TMPRSS4: variants seen among roughly 807,000 people sequenced by gnomAD.
TMPRSS4 encodes the protein transmembrane serine protease 4, also known as transmembrane protease serine 4.
Under a neutral mutation model 56.4 loss-of-function variants are expected in TMPRSS4, and 45 were observed. The ratio of observed to expected loss-of-function variants is 0.80; its 90% CI spans 0.63 to 1.02. TMPRSS4 has a LOEUF of 1.02. Ranked by LOEUF, TMPRSS4 falls within the 50% of genes least tolerant of loss-of-function variation. The probability of loss-of-function intolerance (pLI) is 0.00; values close to 1 mark genes in which losing one functional copy is unlikely to be tolerated. For synonymous variants in TMPRSS4, 205 were observed against 211.0 expected, an observed-to-expected ratio of 0.97 and a Z score of 0.25; for missense variants, 546 against 556.7, an observed-to-expected ratio of 0.98 and a Z score of 0.19.
rs113661712 is a variant in TMPRSS4 at position 118,105,084 on chromosome 11, A to AACAC, written c.440+277_440+280dup. Among the ~76,000 whole-genome samples the AACAC allele has an allele frequency of 1.3e-4, 20 of 151,642 alleles. No homozygotes were observed. In the East Asian group the frequency reaches 3.5e-3, roughly 26 times the overall value. ...AGTGAGAGAATGTGTGCTGCCCTCC[A>AACAC]ACACACACACACACACTTCTAGCGT... is the stretch of plus-strand genomic sequence containing the variant. On this transcript the variant is annotated intron_variant, in intron 5 of 12. Coordinates refer to ENST00000437212, the MANE Select transcript of TMPRSS4 (RefSeq NM_019894.4).
At chr11:118,116,135 T>C (rs1460170866) in intron 11 of TMPRSS4, among the ~76,000 whole-genome samples, 1 of 152,212 alleles carries the variant, frequency 6.6e-6, no homozygotes, top group East Asian at 1.9e-4. Context: ...TTATGTTTTT[T>C]AACAGAGACA....
chr11:118,115,256 G>A lies in TMPRSS4; in HGVS notation c.1128G>A (p.Pro376=), dbSNP rs755618838. 22 of 1,612,628 alleles carry A rather than the reference G, an allele frequency of 1.4e-5. No individual in the cohort carries two copies. In the African/African-American group the frequency reaches 1.9e-4, roughly 14 times the overall value. ...VTEKMMCAGI[P]EGGVDTCQGD... The stretch of plus-strand genomic sequence containing the variant: ...AGAAGATGATGTGTGCAGGCATCCC[G>A]GAAGGGGGTGTGGACACCTGCCAGG... The change falls in exon 11 of 13, where the codon CCG becomes CCA. Residue 376 remains proline, a synonymous_variant. Coordinates refer to ENST00000437212, the MANE Select transcript of TMPRSS4 (RefSeq NM_019894.4).
chr11:118,111,606 T>A lies in TMPRSS4; in HGVS notation c.584-135T>A, dbSNP rs1591403141. Reference sequence around the variant, plus strand: ...CAATACCTCCCATGAATATCTCATATTGGGCTGGTCCTCTCTCCACTCTGG... The same window carrying A: ...CAATACCTCCCATGAATATCTCATAATGGGCTGGTCCTCTCTCCACTCTGG... On this transcript the variant is annotated intron_variant, in intron 7 of 12. Transcript: ENST00000437212. 8.2e-6 allele frequency: 5 copies of A among 606,484 alleles called. No individual in the cohort carries two copies. The East Asian group carries it at 1.7e-4, about 20-fold the overall frequency. The allele number at this position is 606,484 out of a possible 1,614,324, so 37.6% of individuals were successfully genotyped here.
intron 2 of TMPRSS4, among the ~76,000 whole-genome samples, chr11:118,095,565 T>C (rs1273261185): frequency 6.6e-6 from 1 of 152,152 alleles, no homozygotes. Flanking sequence ...TGGAATTCAA[T>C]ATAAGAGTAG....
chr11:118,099,267 G>A (rs377672410), intron 3 of TMPRSS4, 169 bp downstream of exon 3: 7 of 472,922 alleles, frequency 1.5e-5, no homozygotes, highest in African/African-American at 1.0e-4. Context: ...TGGCAGCCCC[G>A]CCCCTCCCAT....
chr11:118,098,331 C>G (rs1373628591), intron 2 of TMPRSS4, among the ~76,000 whole-genome samples: 3 of 152,224 alleles, frequency 2.0e-5, no homozygotes, highest in African/African-American at 7.2e-5. Context: ...TAAGTGCCAC[C>G]TGCTGAGGGA....
chr11:118,093,163 T>C (rs1323019151), intron 1 of TMPRSS4, among the ~76,000 whole-genome samples: 3 of 152,138 alleles, frequency 2.0e-5, no homozygotes, highest in Non-Finnish European at 2.9e-5. Flanking sequence ...ACAGGCTCGT[T>C]TGGGAGGGAA....
intron 7 of TMPRSS4, among the ~76,000 whole-genome samples, chr11:118,109,223 C>T (rs904818846): frequency 1.3e-5 from 2 of 152,170 alleles, no homozygotes; most frequent in African/African-American, 4.8e-5. Flanking sequence ...TGGTCCGGGC[C>T]CACATAGCCT....
chr11:118,099,381 A>G (rs189819075), intron 3 of TMPRSS4, among the ~76,000 whole-genome samples: 6 of 151,802 alleles, frequency 4.0e-5, no homozygotes, highest in African/African-American at 1.5e-4. Context: ...AAAGCTTTGC[A>G]GAAAAAATCA....
intron 1 of TMPRSS4, among the ~76,000 whole-genome samples, chr11:118,078,040 A>G (rs1374427916): frequency 1.0e-4 from 9 of 89,340 alleles, no homozygotes; most frequent in African/African-American, 2.9e-4. Flanking sequence ...AAAAAAAAAA[A>G]AAAAGAAAGA....
chr11:118,080,986 C>A (rs905563489), intron 1 of TMPRSS4, among the ~76,000 whole-genome samples: 1 of 152,220 alleles, frequency 6.6e-6, no homozygotes, highest in Non-Finnish European at 1.5e-5. Flanking sequence ...TCTTTTAAAC[C>A]TGTTGCCACC....
At chr11:118,081,506 C>T (rs1054791902) in intron 1 of TMPRSS4, among the ~76,000 whole-genome samples, 3 of 152,234 alleles carry the variant, frequency 2.0e-5, no homozygotes, top group Admixed American at 6.5e-5. Context: ...CCAGCTTCCT[C>T]GCATAATCCA....
At chr11:118,108,666 A>T (rs931378028) in intron 6 of TMPRSS4, 190 bp from the exon 7 acceptor site, 34 of 613,714 alleles carry the variant, frequency 5.5e-5, no homozygotes, top group Non-Finnish European at 8.6e-6. Context: ...GTTGAATCCA[A>T]TCAAACGGAA....
intron 12 of TMPRSS4, 137 bp from the exon 13 acceptor site, chr11:118,117,765 A>C: frequency 6.4e-7 from 1 of 1,561,156 alleles, no homozygotes; most frequent in Non-Finnish European, 8.7e-7. Context: ...GGAAAGGCTC[A>C]TGAGACCTCC....
intron 5 of TMPRSS4, chr11:118,105,893 A>G (rs568632861): frequency 6.6e-5 from 10 of 152,366 alleles, no homozygotes; most frequent in South Asian, 4.1e-4. Flanking sequence ...CCAGGCAGCC[A>G]TTACAAATCA....
chr11:118,095,882 C>A (rs1941631), intron 2 of TMPRSS4, among the ~76,000 whole-genome samples: 95,081 of 151,986 alleles, frequency 0.63, 30,057 homozygotes, highest in African/African-American at 0.72. Flanking sequence ...GCAGGACAGG[C>A]TGGAGGGAGG....
At chr11:118,096,996 GAAA>G (rs1565423443) in intron 2 of TMPRSS4, among the ~76,000 whole-genome samples, 3 of 97,942 alleles carry the variant, frequency 3.1e-5, no homozygotes, top group African/African-American at 4.2e-5. Flanking sequence ...AAGAAAGAAA[GAAA>G]GAAAGAAAGA....
chr11:118,108,856 G>T lies in TMPRSS4; in HGVS notation c.543G>T (p.Gly181=), dbSNP rs777288651. Residue 181 remains glycine, a splice_region_variant and synonymous_variant, in exon 7 of 13, where the codon GGG becomes GGT. Coordinates refer to ENST00000437212, the MANE Select transcript of TMPRSS4 (RefSeq NM_019894.4). ...SQELRMRNSS[G]PCLSGSLVSL... is the part of the protein sequence containing the mutation. ...ACAGGGCGCTGTGTCTGTCTTCCAG[G>T]CCCTGTCTCTCAGGCTCCCTGGTCT... 1.2e-6 allele frequency: 2 copies of T among 1,614,054 alleles called. No homozygotes were observed. The highest frequency in any genetic ancestry group is 3.3e-5 in the Admixed American group (2 of 60,020).
intron 1 of TMPRSS4, among the ~76,000 whole-genome samples, chr11:118,083,957 T>G (rs1480997931): frequency 2.0e-5 from 3 of 152,030 alleles, no homozygotes; most frequent in Non-Finnish European, 4.4e-5. Context: ...AGAATCGCTT[T>G]TACCTGGGAG....
Sources: allele counts gnomAD v4.1 joint callset (sites outside exome capture counted in the v4.1 genomes callset), GRCh38; gene constraint gnomAD v4.1.1; transcripts MANE v1.5; gene names NCBI Gene and HGNC (gene_info 2026-07-23, HGNC 2026-07-21).